Variants in CKAP5 observed in about 807,000 individuals in gnomAD.
CKAP5 encodes cytoskeleton-associated protein 5.
In CKAP5, 27 loss-of-function variants were observed where a neutral mutation model predicts 232.8. The ratio of observed to expected loss-of-function variants is 0.12; its 90% CI spans 0.09 to 0.16. The LOEUF (loss-of-function observed/expected upper bound fraction) is 0.16. Among genes scored for constraint, CKAP5 ranks in the 10% least tolerant of loss-of-function variants. The pLI, the probability that CKAP5 is intolerant of heterozygous loss-of-function variation, is 1.00. For missense variants in CKAP5, 1,838 were observed against 2,424.7 expected (o/e 0.76, Z 5.08); for synonymous variants, 785 against 841.1 (o/e 0.93, Z 1.16).
intron 27 of CKAP5, among the ~76,000 whole-genome samples, chr11:46,765,599 CTTTTTT>C (rs147227678): frequency 2.7e-5 from 2 of 74,628 alleles, no homozygotes; most frequent in African/African-American, 5.4e-5. Flanking sequence ...TTAATGACAT[CTTTTTT>C]TTTTTTTTTT....
At chr11:46,831,933 T>C (rs1443729066) in intron 1 of CKAP5, among the ~76,000 whole-genome samples, 2 of 143,732 alleles carry the variant, frequency 1.4e-5, no homozygotes, top group South Asian at 2.2e-4. Flanking sequence ...AGCAGGAACA[T>C]GGCTCACTGC....
At chr11:46,816,465 C>A (rs1422202021) in intron 3 of CKAP5, 61 bp from the exon 4 acceptor site, 2 of 1,322,364 alleles carry the variant, frequency 1.5e-6, no homozygotes, top group South Asian at 2.4e-5. Context: ...AAAAAGGTCA[C>A]GGAAAGGGGG....
chr11:46,829,945 C>T (rs533535526), intron 1 of CKAP5, among the ~76,000 whole-genome samples: 8 of 151,480 alleles, frequency 5.3e-5, no homozygotes, highest in Non-Finnish European at 8.8e-5. Context: ...AAAGAAATCA[C>T]GTTGTAATCC....
rs1477668596 is a variant in CKAP5, at chr11:46,750,592, G to C, written c.5480C>G (p.Ala1827Gly). 6.2e-7 allele frequency: 1 copy of C among 1,613,164 alleles called. No homozygotes were observed. Among genetic ancestry groups the C allele is most frequent in the Non-Finnish European group, 8.5e-7 (1 of 1,179,674 alleles). Residue 1827 changes from alanine to glycine, a missense_variant, in exon 41 of 44, where the codon GCC becomes GGC. Around this residue, in one of 6 missense-constraint regions of CKAP5, gnomAD observed 579 missense variants for 843.2 expected, o/e 0.69. Transcript: ENST00000529230. ...CTCAGCTAAGAAATCATTCACTTTG[G>C]CCTTTGATGATTTTTCATCCTGAAA... ...ASRIDEKSSK[A>G]KVNDFLAEIF... is the part of the protein sequence containing the mutation.
chr11:46,798,228 A>G (rs1403815214), intron 9 of CKAP5, 56 bp from the exon 10 acceptor site: 11 of 1,213,432 alleles, frequency 9.1e-6, no homozygotes, highest in Admixed American at 1.7e-5. Context: ...TGATATATTG[A>G]TATATCCTAG....
At chr11:46,809,559 T>G in intron 6 of CKAP5, 59 bp from the exon 7 acceptor site, 3 of 1,414,564 alleles carry the variant, frequency 2.1e-6, no homozygotes, top group Non-Finnish European at 2.0e-6. Flanking sequence ...TACTTATCAG[T>G]TATCAGTCCT....
In CKAP5 at chr11:46,762,977, T is replaced by C; in HGVS notation, c.3890A>G (p.Lys1297Arg). 1.2e-6 allele frequency: 2 copies of C among 1,612,742 alleles called. No individual in the cohort carries two copies. The highest frequency in any genetic ancestry group is 1.7e-6 in the Non-Finnish European group (2 of 1,178,910). ...ASSFIPYLVVKVGEPKDVIRK... is the reference protein window; with the variant it reads ...ASSFIPYLVVRVGEPKDVIRK... ...CCCAGAGAGAGAACACCACATTACC[T>C]TGACGACAAGATAGGGGATGAAGGA... is the stretch of plus-strand genomic sequence containing the variant. The change falls in exon 30 of 44, where the codon AAG becomes AGG. Residue 1297 changes from lysine to arginine, a missense_variant and splice_region_variant. By Grantham distance (26) the Lys-to-Arg change is conservative (BLOSUM62 2). Around this residue, in one of 6 missense-constraint regions of CKAP5, gnomAD observed 48 missense variants for 98.1 expected, o/e 0.49. Transcript: ENST00000529230.
At chr11:46,807,996 G>A in intron 8 of CKAP5, 35 bp downstream of exon 8, 8 of 1,464,806 alleles carry the variant, frequency 5.5e-6, no homozygotes, top group Non-Finnish European at 7.6e-6. Flanking sequence ...CCTGATGGCT[G>A]TTACAATACC....
Position 46,798,179 on chromosome 11 carries a change from A to G in CKAP5, c.1084-7T>C. 6.3e-7 allele frequency: 1 copy of G among 1,587,568 alleles called. No individual in the cohort carries two copies. Among genetic ancestry groups the G allele is most frequent in the Non-Finnish European group, 8.7e-7 (1 of 1,155,958 alleles). ...CCAAGATGGTTGGCACAACCTGTAA[A>G]AGTGAATGGCTAGCACATTATTCAG... is the stretch of plus-strand genomic sequence containing the variant. On this transcript the variant is annotated splice_polypyrimidine_tract_variant and splice_region_variant and intron_variant, in intron 9 of 43. Coordinates refer to ENST00000529230, the MANE Select transcript of CKAP5 (RefSeq NM_001008938.4).
intron 32 of CKAP5, 30 bp from the exon 33 acceptor site, chr11:46,760,814 CTGGATA>C: frequency 6.3e-7 from 1 of 1,581,552 alleles, no homozygotes; most frequent in Middle Eastern, 1.7e-4. Context: ...AGAAACCTAA[CTGGATA>C]ACACAATAAT....
At chr11:46,837,534 T>A (rs930424097) in intron 1 of CKAP5, among the ~76,000 whole-genome samples, 1 of 152,156 alleles carries the variant, frequency 6.6e-6, no homozygotes, top group African/African-American at 2.4e-5. Flanking sequence ...AGGTCTTGTT[T>A]CTAATAGCAT....
Position 46,743,897 on chromosome 11 carries a change from C to T in CKAP5, c.*126G>A, listed in dbSNP as rs1481394641. The T allele has an allele frequency of 1.4e-5, 17 of 1,204,694 alleles. No homozygotes were observed. Among genetic ancestry groups the T allele is most frequent in the Non-Finnish European group, 2.4e-6 (2 of 843,334 alleles). The allele number at this position is 1,204,694 out of a possible 1,614,324, so 74.6% of individuals were successfully genotyped here. A position where few individuals can be genotyped will look rare whatever the true frequency, so the allele number is the denominator to read the frequency against. ...TACTTGTGCCACAATGACTCCTCCC[C>T]CTAGCTCCACGGCATGATACATACA... On this transcript the variant is annotated 3_prime_UTR_variant, in exon 44 of 44. Coordinates refer to ENST00000529230, the MANE Select transcript of CKAP5 (RefSeq NM_001008938.4).
chr11:46,839,449 T>C lies in CKAP5; in HGVS notation c.-38+6771A>G, dbSNP rs149580024. On this transcript the variant is annotated intron_variant, in intron 1 of 43. Transcript: ENST00000529230. ...TTAAAAACCTTAAAACTCTCCAACA[T>C]TGACTACCAAGAATCCTAATTAGAT... Among the ~76,000 whole-genome samples the C allele has an allele frequency of 2.0e-4, 31 of 152,356 alleles. No individual in the cohort carries two copies. In the East Asian group the frequency reaches 3.1e-3, roughly 15 times the overall value.
Position 46,790,088 on chromosome 11 carries a change from T to C in CKAP5, c.1863A>G (p.Glu621=). The change falls in exon 15 of 44, where the codon GAA becomes GAG. Residue 621 remains glutamate (E), a synonymous_variant. Transcript: ENST00000529230. Reference sequence around the variant, plus strand: ...CCCTATGCACTACCTTCTGGAACTCTTCCATACAAGCCAGCCTTTCTTTCC... The same window carrying C: ...CCCTATGCACTACCTTCTGGAACTCCTCCATACAAGCCAGCCTTTCTTTCC... The part of the protein sequence containing the change: ...SNWKERLACM[E]EFQKAVELMD... The C allele has an allele frequency of 1.9e-6, 3 of 1,609,884 alleles. No homozygotes were observed. The South Asian group carries it at 3.3e-5, about 18-fold the overall frequency.
intron 24 of CKAP5, among the ~76,000 whole-genome samples, chr11:46,772,952 G>A (rs1202943246): frequency 3.3e-5 from 5 of 152,114 alleles, no homozygotes; most frequent in African/African-American, 1.2e-4. Flanking sequence ...ATGTTTGCCA[G>A]GATGGTCTCG....
chr11:46,813,769 C>T (rs57761804), intron 4 of CKAP5, among the ~76,000 whole-genome samples: 1 of 152,140 alleles, frequency 6.6e-6, no homozygotes, highest in Admixed American at 6.5e-5. Flanking sequence ...TACCCTTATT[C>T]TCCCAGTTTA....
Position 46,770,887 on chromosome 11 carries a change from A to G in CKAP5, c.3087T>C (p.Asp1029=). ...CVPHLYSCLE[D]RNGDVRKKAQ... ...CCTTCTTTCGCACATCTCCATTTCG[A>G]TCTTCTAGGCAGGAGTAGAGATGAG... Residue 1029 remains aspartate, a synonymous_variant, in exon 25 of 44, where the codon GAT becomes GAC. Coordinates refer to ENST00000529230, the MANE Select transcript of CKAP5 (RefSeq NM_001008938.4). The G allele has an allele frequency of 6.2e-7, 1 of 1,614,136 alleles. No homozygotes were observed. The highest frequency in any genetic ancestry group is 8.5e-7 in the Non-Finnish European group (1 of 1,180,008).
intron 1 of CKAP5, among the ~76,000 whole-genome samples, chr11:46,822,716 C>T (rs1221100262): frequency 1.4e-5 from 2 of 140,056 alleles, no homozygotes; most frequent in Non-Finnish European, 3.0e-5. Context: ...GCACTGCACT[C>T]CAGCCTGGGC....
chr11:46,783,363 C>T lies in CKAP5; in HGVS notation c.2160G>A (p.Val720=). ...CMLPWTAEQV[V]SMAFSQKNPK... Reference sequence around the variant, plus strand: ...GATTCTTTTGTGAGAAAGCCATTGACACAACCTGAAAAGGGAAAAACAGCA... The same window carrying T: ...GATTCTTTTGTGAGAAAGCCATTGATACAACCTGAAAAGGGAAAAACAGCA... The change falls in exon 18 of 44, where the codon GTG becomes GTA. Residue 720 remains valine, a synonymous_variant. Coordinates refer to ENST00000529230, the MANE Select transcript of CKAP5 (RefSeq NM_001008938.4). 1.2e-6 allele frequency: 2 copies of T among 1,602,176 alleles called. No homozygotes were observed. The highest frequency in any genetic ancestry group is 1.7e-6 in the Non-Finnish European group (2 of 1,171,102).
Sources: allele counts gnomAD v4.1 joint callset (sites outside exome capture counted in the v4.1 genomes callset), GRCh38; gene constraint gnomAD v4.1.1; regional missense constraint gnomAD v4.1.1; transcripts MANE v1.5; gene names NCBI Gene and HGNC (gene_info 2026-07-23, HGNC 2026-07-21).